The following C1QTNF3 variants were observed in gnomAD, a reference collection of about 807,000 sequenced individuals.
C1QTNF3 encodes the protein complement C1q tumor necrosis factor-related protein 3.
Under a neutral mutation model 32.6 loss-of-function variants are expected in C1QTNF3, and 26 were observed. That is an observed-to-expected ratio of 0.80 (90% CI 0.58 to 1.11). C1QTNF3 has a LOEUF of 1.11. Ranked by LOEUF, C1QTNF3 falls within the 50% of genes least tolerant of loss-of-function variation. C1QTNF3 has a pLI of 0.00. For missense variants in C1QTNF3, 362 were observed against 398.2 expected (o/e 0.91, Z 0.77); for synonymous variants, 155 against 146.0 (o/e 1.06, Z -0.44).
chr5:34,210,451 T>C, the C1QTNF3 span, among the ~76,000 whole-genome samples: 1 of 152,160 alleles, frequency 6.6e-6, no homozygotes, highest in Non-Finnish European at 1.5e-5. Context: ...CTAAAATTAC[T>C]GTGTTGCTTA....
the C1QTNF3 span, among the ~76,000 whole-genome samples, chr5:34,074,296 T>C: frequency 1.3e-5 from 2 of 151,654 alleles, no homozygotes; most frequent in East Asian, 1.9e-4. Flanking sequence ...TGCAAACAAT[T>C]TGAGAAAGAA....
the C1QTNF3 span, among the ~76,000 whole-genome samples, chr5:34,049,751 A>G: frequency 6.6e-6 from 1 of 152,240 alleles, no homozygotes; most frequent in Non-Finnish European, 1.5e-5. Context: ...AAATTCCAAG[A>G]GTCGATATTG....
chr5:34,201,994 C>T, the C1QTNF3 span, among the ~76,000 whole-genome samples: 1 of 152,168 alleles, frequency 6.6e-6, no homozygotes, highest in Non-Finnish European at 1.5e-5. Context: ...TTGAATCCTA[C>T]CACTTCCACT....
intron 2 of C1QTNF3, 121 bp from the exon 3 acceptor site, chr5:34,033,579 A>C: frequency 2.5e-6 from 3 of 1,208,386 alleles, no homozygotes; most frequent in Non-Finnish European, 3.6e-6. Context: ...CCCAAATATA[A>C]CCAAGGGGTA....
the C1QTNF3 span, among the ~76,000 whole-genome samples, chr5:34,143,163 A>C: frequency 6.6e-6 from 1 of 152,222 alleles, no homozygotes; most frequent in African/African-American, 2.4e-5. Context: ...AAATGGACCA[A>C]GGTGAGGAAA....
At chr5:34,066,285 C>G in the C1QTNF3 span, among the ~76,000 whole-genome samples, 1 of 152,304 alleles carries the variant, frequency 6.6e-6, no homozygotes, top group East Asian at 1.9e-4. Flanking sequence ...TGACCATGAC[C>G]TGATGGTCAC....
upstream of C1QTNF3, among the ~76,000 whole-genome samples, chr5:34,046,790 T>C (rs1160269642): frequency 6.6e-6 from 1 of 151,788 alleles, no homozygotes; most frequent in Non-Finnish European, 1.5e-5. Flanking sequence ...AGGTCTGGAG[T>C]CTACACATGT....
the C1QTNF3 span, among the ~76,000 whole-genome samples, chr5:34,133,973 T>C: frequency 6.6e-6 from 1 of 152,132 alleles, no homozygotes; most frequent in Non-Finnish European, 1.5e-5. Flanking sequence ...AATGAGTGAG[T>C]GTTTGGTGAC....
At chr5:34,236,101 T>C in the C1QTNF3 span, among the ~76,000 whole-genome samples, 70,137 of 146,652 alleles carry the variant, frequency 0.48, 18,290 homozygotes, top group Non-Finnish European at 0.63. Flanking sequence ...GGAGACTAAG[T>C]TGGATATAAA....
At chr5:34,035,583 G>C in intron 2 of C1QTNF3, 64 bp downstream of exon 2, 1 of 1,175,870 alleles carries the variant, frequency 8.5e-7, no homozygotes, top group South Asian at 1.3e-5. Context: ...ATTAAGGTTT[G>C]CCCTTTGCTC....
chr5:34,117,391 C>T, the C1QTNF3 span, among the ~76,000 whole-genome samples: 1 of 152,112 alleles, frequency 6.6e-6, no homozygotes, highest in Non-Finnish European at 1.5e-5. Context: ...AGCTTAATTC[C>T]TCCCCTCCTT....
the C1QTNF3 span, among the ~76,000 whole-genome samples, chr5:34,195,964 A>AT: frequency 6.6e-6 from 1 of 152,300 alleles, no homozygotes; most frequent in African/African-American, 2.4e-5. Context: ...CTGTGGTGGC[A>AT]TTACTTCCTT....
chr5:34,033,375 G>T lies in C1QTNF3; in HGVS notation c.499C>A (p.Pro167Thr). The change falls in exon 3 of 6, where the codon CCT becomes ACT. Residue 167 changes from proline to threonine, a missense_variant. By Grantham distance (38) the Pro-to-Thr change is conservative. Transcript: ENST00000382065. ...GEKGDKGDLG[P>T]RGERGQHGPK... ...CCATGCTGCCCCCGCTCCCCTCGAGGCCCCAGGTCACCTTTGTCGCCCTTC... is the reference window on the plus strand; with the variant it reads ...CCATGCTGCCCCCGCTCCCCTCGAGTCCCCAGGTCACCTTTGTCGCCCTTC... The T allele has an allele frequency of 6.2e-7, 1 of 1,613,870 alleles. No individual in the cohort carries two copies. The highest frequency in any genetic ancestry group is 8.5e-7 in the Non-Finnish European group (1 of 1,179,952).
chr5:34,033,610 T>A, intron 2 of C1QTNF3, 152 bp from the exon 3 acceptor site: 1 of 938,290 alleles, frequency 1.1e-6, no homozygotes, highest in South Asian at 1.6e-5. Context: ...AATAGGGCAA[T>A]AGGCTCTGAA....
At chr5:34,145,577 C>A in the C1QTNF3 span, among the ~76,000 whole-genome samples, 1 of 149,458 alleles carries the variant, frequency 6.7e-6, no homozygotes, top group African/African-American at 2.5e-5. Context: ...GAACTGACAT[C>A]AATCCTACTG....
chr5:34,043,272 C>A, upstream of C1QTNF3: 1 of 778,174 alleles, frequency 1.3e-6, no homozygotes, highest in Non-Finnish European at 2.0e-6. Flanking sequence ...AGGCTGTAGG[C>A]ATGCCAGAGT....
chr5:34,242,619 A>C, the C1QTNF3 span, among the ~76,000 whole-genome samples: 2 of 152,174 alleles, frequency 1.3e-5, no homozygotes, highest in African/African-American at 4.8e-5. Context: ...TTTTTGGCTA[A>C]GTTTCTAAAA....
At chr5:34,237,405 T>A in the C1QTNF3 span, among the ~76,000 whole-genome samples, 1 of 152,234 alleles carries the variant, frequency 6.6e-6, no homozygotes, top group African/African-American at 2.4e-5. Context: ...AGCTGTGCTA[T>A]TTTTCAATTT....
the C1QTNF3 span, among the ~76,000 whole-genome samples, chr5:34,228,679 C>T: frequency 1.3e-5 from 2 of 151,876 alleles, no homozygotes; most frequent in East Asian, 1.9e-4. Context: ...TATGAGATAT[C>T]GGTATCTGCA....
Sources: gnomAD v4.1 joint callset for allele counts (sites outside exome capture counted in the v4.1 genomes callset) on GRCh38, gnomAD v4.1.1 for gene constraint, MANE v1.5 for transcripts, NCBI Gene and HGNC (gene_info 2026-07-23, HGNC 2026-07-21) for gene names.